DNAJA3: variants seen among roughly 807,000 people sequenced by gnomAD.
DNAJA3 encodes the protein dnaJ homolog subfamily A member 3, mitochondrial.
DNAJA3 carries 29 observed loss-of-function variants against 54.9 expected under a neutral mutation model. That is an observed-to-expected ratio of 0.53 (90% confidence interval 0.39 to 0.72). The LOEUF (loss-of-function observed/expected upper bound fraction) is 0.72. Among genes scored for constraint, DNAJA3 ranks in the 30% least tolerant of loss-of-function variants. The pLI is 0.00. For synonymous variants in DNAJA3, 302 were observed against 251.4 expected (o/e 1.20, Z -1.90); for missense variants, 708 against 639.4 (o/e 1.11, Z -1.16).
In DNAJA3 at chr16:4,425,876, G is replaced by A. The variant is rs1177552108; in HGVS notation, c.-6G>A. ...GGCGGCGCAGGCGCAGAGTCCCCGG[G>A]CCAAGATGGCTGCGCGGTGCTCCAC... On this transcript the variant is annotated 5_prime_UTR_variant, in exon 1 of 12. Coordinates refer to ENST00000262375, the MANE Select transcript of DNAJA3 (RefSeq NM_005147.6). 8 of 1,527,720 alleles carry A rather than the reference G, an allele frequency of 5.2e-6. No individual in the cohort carries two copies. The highest frequency in any genetic ancestry group is 7.0e-6 in the Non-Finnish European group (8 of 1,140,440). The allele number at this position is 1,527,720 out of a possible 1,614,324, so 94.6% of individuals were successfully genotyped here. A position where few individuals can be genotyped will look rare whatever the true frequency, so the allele number is the denominator to read the frequency against.
Position 4,454,852 on chromosome 16 carries a change from C to T in DNAJA3, c.1381C>T (p.Arg461Cys), listed in dbSNP as rs761966774. 30 of 1,613,928 alleles carry T rather than the reference C, an allele frequency of 1.9e-5. No homozygotes were observed. The highest frequency in any genetic ancestry group is 5.0e-5 in the Admixed American group (3 of 59,994). Residue 461 changes from arginine (R) to cysteine (C), a missense_variant, in exon 11 of 12, where the codon CGT (arginine) becomes TGT (cysteine). Coordinates refer to ENST00000262375, the MANE Select transcript of DNAJA3 (RefSeq NM_005147.6). The part of the protein sequence containing the change: ...MDSSAGSKAR[R>C]EAGEDEEGFL... ...TAGCTCCGCAGGAAGCAAGGCTAGGCGTGAGGCTGGGGAGGACGAGGAGGG... is the reference window on the plus strand; with the variant it reads ...TAGCTCCGCAGGAAGCAAGGCTAGGTGTGAGGCTGGGGAGGACGAGGAGGG...
At chr16:4,427,796 G>A (rs556197055) in intron 1 of DNAJA3, among the ~76,000 whole-genome samples, 2 of 152,274 alleles carry the variant, frequency 1.3e-5, no homozygotes, top group African/African-American at 4.8e-5. Context: ...AGCCTCCTGA[G>A]TAGCTGGGAC....
intron 1 of DNAJA3, among the ~76,000 whole-genome samples, 177 bp downstream of exon 1, chr16:4,426,269 G>A (rs2056621086): frequency 6.6e-6 from 1 of 152,220 alleles, no homozygotes; most frequent in Non-Finnish European, 1.5e-5. Context: ...CTGCTCAGCC[G>A]TCAAGGAAGG....
At chr16:4,446,566 AT>A (rs1567331931) in intron 7 of DNAJA3, among the ~76,000 whole-genome samples, 1 of 152,076 alleles carries the variant, frequency 6.6e-6, no homozygotes, top group African/African-American at 2.4e-5. Context: ...AAAAAAAAAA[AT>A]CAAAAGCCAG....
Position 4,441,503 on chromosome 16 carries a change from C to T in DNAJA3, c.558C>T (p.Phe186=). Residue 186 remains phenylalanine, a synonymous_variant, in exon 4 of 12, where the codon TTC becomes TTT. Coordinates refer to ENST00000262375, the MANE Select transcript of DNAJA3 (RefSeq NM_005147.6). ...CCACTGTGGACCCCGAGGAGCTGTT[C>T]AGGAAGATCTTTGGCGAGTTCTCAT... is the stretch of plus-strand genomic sequence containing the variant. The part of the protein sequence containing the change: ...GGPTVDPEEL[F]RKIFGEFSSS... The T allele has an allele frequency of 6.2e-7, 1 of 1,614,214 alleles. No individual in the cohort carries two copies. The highest frequency in any genetic ancestry group is 8.5e-7 in the Non-Finnish European group (1 of 1,180,042).
rs559843971 is a variant in DNAJA3 at position 4,441,437 on chromosome 16, T to G, written c.492T>G (p.Pro164=). 6 of 1,614,192 alleles carry G rather than the reference T, an allele frequency of 3.7e-6. No homozygotes were observed. In the African/African-American group the frequency reaches 5.3e-5, roughly 14 times the overall value. ...YDAYGSAGFD[P]GASGSQHSYW... ...CCTACGGCTCTGCAGGCTTCGATCC[T>G]GGGGCCAGCGGCTCCCAGCATAGCT... is the stretch of plus-strand genomic sequence containing the variant. The change falls in exon 4 of 12, where the codon CCT becomes CCG. Residue 164 remains proline (P), a synonymous_variant. Coordinates refer to ENST00000262375, the MANE Select transcript of DNAJA3 (RefSeq NM_005147.6).
chr16:4,452,003 G>A (rs2056984528), intron 10 of DNAJA3, among the ~76,000 whole-genome samples: 1 of 151,980 alleles, frequency 6.6e-6, no homozygotes, highest in Non-Finnish European at 1.5e-5. Context: ...CCAGGAGGCA[G>A]AGGGTGCAGT....
chr16:4,451,414 A>G (rs2056976206), intron 10 of DNAJA3, among the ~76,000 whole-genome samples: 1 of 151,828 alleles, frequency 6.6e-6, no homozygotes, highest in South Asian at 2.1e-4. Context: ...AGTCCCTGGA[A>G]TTTCACTGAG....
intron 6 of DNAJA3, among the ~76,000 whole-genome samples, chr16:4,443,876 C>CG (rs1365758374): frequency 6.6e-6 from 1 of 152,030 alleles, no homozygotes; most frequent in Non-Finnish European, 1.5e-5. Context: ...TTAGTAGAGA[C>CG]GGGGTTTCAT....
In DNAJA3 at chr16:4,428,825, G is replaced by A. The variant is rs929673980; in HGVS notation, c.211+2733G>A. On this transcript the variant is annotated intron_variant, in intron 1 of 11. Transcript: ENST00000262375. Reference sequence around the variant, plus strand: ...GCGCTGAGGCAGGAGGATCACATGAGCCTAGCAGTTTGGGACCAGCCTGGG... The same window carrying A: ...GCGCTGAGGCAGGAGGATCACATGAACCTAGCAGTTTGGGACCAGCCTGGG... Among the ~76,000 whole-genome samples, 7 of 151,908 alleles carry A rather than the reference G, an allele frequency of 4.6e-5. No individual in the cohort carries two copies. The East Asian group carries it at 1.3e-3, about 29-fold the overall frequency.
At chr16:4,454,195 C>T (rs964706374) in intron 10 of DNAJA3, among the ~76,000 whole-genome samples, 1 of 152,192 alleles carries the variant, frequency 6.6e-6, no homozygotes, top group African/African-American at 2.4e-5. Flanking sequence ...GTGACTCCCA[C>T]ATGGGCTGTT....
intron 10 of DNAJA3, 139 bp from the exon 11 acceptor site, chr16:4,454,672 C>T: frequency 1.6e-6 from 1 of 625,866 alleles, no homozygotes; most frequent in East Asian, 2.8e-5. Flanking sequence ...TAGGAGTGGC[C>T]CCCACTCTTC....
At position 4,455,784 on chromosome 16, in the gene DNAJA3, G is replaced by C. The variant is rs191022010; in HGVS notation, c.*252G>C. The C allele has an allele frequency of 3.2e-5, 19 of 600,126 alleles. No homozygotes were observed. In the East Asian group the frequency reaches 4.7e-4, roughly 15 times the overall value. 37.2% of individuals were successfully genotyped at this position (600,126 alleles called of 1,614,324 possible). A position where few individuals can be genotyped will look rare whatever the true frequency, so the allele number is the denominator to read the frequency against. ...GGTGGCAGTTTCCTGTCCATTGGTA[G>C]GTGACGGCCCCTGGCTCAGGCAGAG... On this transcript the variant is annotated 3_prime_UTR_variant, in exon 12 of 12. Transcript: ENST00000262375.
At chr16:4,454,133 G>A (rs1379360527) in intron 10 of DNAJA3, among the ~76,000 whole-genome samples, 1 of 152,210 alleles carries the variant, frequency 6.6e-6, no homozygotes, top group African/African-American at 2.4e-5. Context: ...GAGATAGACT[G>A]CTGATGTGAG....
intron 1 of DNAJA3, chr16:4,433,772 T>C (rs1450158653): frequency 6.6e-6 from 1 of 152,268 alleles, no homozygotes; most frequent in East Asian, 1.9e-4. Flanking sequence ...AGGAGTATTA[T>C]TCCTTTAGTG....
Position 4,437,146 on chromosome 16 carries a change from A to G in DNAJA3, c.346-256A>G, listed in dbSNP as rs112187255. 4.5e-3 allele frequency among the ~76,000 whole-genome samples: 678 copies of G among 151,602 alleles called. 2 individuals are homozygous for G. The highest frequency in any genetic ancestry group is 0.015 in the African/African-American group (636 of 41,328). ...CCACCACGCCTGACTAATTTTTTCT[A>G]TTTTTGGTGGAGAGGGGTTTCGCTG... On this transcript the variant is annotated intron_variant, in intron 2 of 11. Transcript: ENST00000262375.
chr16:4,434,377 T>A lies in DNAJA3; in HGVS notation c.212-7T>A. ...CAGAGTGATTTTCTTTGTTTTTTCC[T>A]TTTTAGGAACAAAACATAACCCTTT... is the stretch of plus-strand genomic sequence containing the variant. On this transcript the variant is annotated splice_polypyrimidine_tract_variant and splice_region_variant and intron_variant, in intron 1 of 11. Transcript: ENST00000262375. 1 of 1,611,206 alleles carries A rather than the reference T, an allele frequency of 6.2e-7. No individual in the cohort carries two copies. The highest frequency in any genetic ancestry group is 8.5e-7 in the Non-Finnish European group (1 of 1,179,466).
At chr16:4,438,241 C>T (rs536585945) in intron 3 of DNAJA3, among the ~76,000 whole-genome samples, 3 of 151,792 alleles carry the variant, frequency 2.0e-5, no homozygotes, top group East Asian at 3.9e-4. Flanking sequence ...GGCGTGAACC[C>T]GGGAGGCGGA....
Position 4,438,798 on chromosome 16 carries a change from G to T in DNAJA3, c.429+1313G>T, listed in dbSNP as rs1461762478. Among the ~76,000 whole-genome samples, 4 of 151,874 alleles carry T rather than the reference G, an allele frequency of 2.6e-5. No homozygotes were observed. In the East Asian group the frequency reaches 7.7e-4, roughly 29 times the overall value. On this transcript the variant is annotated intron_variant, in intron 3 of 11. Transcript: ENST00000262375. ...GCCCGACTTTGGCCATCCTAAAGGGGTTCAGTATATATAGGAGCTCATATA... is the reference window on the plus strand; with the variant it reads ...GCCCGACTTTGGCCATCCTAAAGGGTTTCAGTATATATAGGAGCTCATATA...
Sources: allele counts gnomAD v4.1 joint callset (sites outside exome capture counted in the v4.1 genomes callset), GRCh38; gene constraint gnomAD v4.1.1; transcripts MANE v1.5; gene names NCBI Gene and HGNC (gene_info 2026-07-23, HGNC 2026-07-21).